MMEL1: variants seen among roughly 807,000 people sequenced by gnomAD.
MMEL1 encodes the protein membrane metallo-endopeptidase-like 1.
Under a neutral mutation model 117.1 loss-of-function variants are expected in MMEL1, and 98 were observed. The observed-to-expected ratio is 0.84, with a 90% confidence interval of 0.71 to 0.99. MMEL1 has a LOEUF of 0.99. Ranked by LOEUF, MMEL1 falls within the 50% of genes least tolerant of loss-of-function variation. The pLI, the probability that MMEL1 is intolerant of heterozygous loss-of-function variation, is 0.00. For synonymous variants in MMEL1, 390 were observed against 415.1 expected (o/e 0.94, Z 0.74); for missense variants, 1,014 against 1,049.1 (o/e 0.97, Z 0.46).
intron 10 of MMEL1, 28 bp downstream of exon 10, chr1:2,604,119 C>CGCAG: frequency 2.6e-6 from 4 of 1,510,110 alleles, no homozygotes; most frequent in Non-Finnish European, 2.7e-6. Context: ...ACTCGCTGCC[C>CGCAG]GCTCCCCACC....
chr1:2,608,520 CACACAT>C (rs1286820709), intron 6 of MMEL1, among the ~76,000 whole-genome samples: 4 of 136,828 alleles, frequency 2.9e-5, no homozygotes, highest in Non-Finnish European at 3.1e-5. Flanking sequence ...AACACATATA[CACACAT>C]ACACATACAC....
chr1:2,605,815 G>A (rs1184741068), intron 8 of MMEL1, among the ~76,000 whole-genome samples, 192 bp from the exon 9 acceptor site: 1 of 151,736 alleles, frequency 6.6e-6, no homozygotes, highest in Non-Finnish European at 1.5e-5. Context: ...GCGCTGGGCT[G>A]GACTGGAGAG....
intron 23 of MMEL1, chr1:2,591,296 T>C (rs771179787): frequency 3.3e-6 from 2 of 597,476 alleles, no homozygotes; most frequent in Middle Eastern, 4.3e-4. Context: ...GCCAGAGATA[T>C]TCCAACTCTG....
chr1:2,624,355 T>G (rs960788730), intron 2 of MMEL1, among the ~76,000 whole-genome samples: 1 of 152,184 alleles, frequency 6.6e-6, no homozygotes, highest in African/African-American at 2.4e-5. Context: ...TGAGGTGCAC[T>G]GTGGGTAACA....
Position 2,604,203 on chromosome 1 carries a change from AG to A in MMEL1, c.894del (p.Cys299AlafsTer48). Reference sequence around the variant, plus strand: ...TGCACCATGTCCTCCTGCACCAGGCAGCTGTCCCTGGGCAGGTTTGCATCCT... The same window carrying A: ...TGCACCATGTCCTCCTGCACCAGGCACTGTCCCTGGGCAGGTTTGCATCCT... ...LREDANLPRDSCLVQEDMVQV... is the reference protein window; with the variant it reads ...LREDANLPRDXCLVQEDMVQV... On this transcript the variant is annotated frameshift_variant, in exon 10 of 24. Transcript: ENST00000378412. LOFTEE classifies it high-confidence loss of function. 2 of 1,567,594 alleles carry A rather than the reference AG, an allele frequency of 1.3e-6. No individual in the cohort carries two copies. The highest frequency in any genetic ancestry group is 1.7e-6 in the Non-Finnish European group (2 of 1,152,388).
Position 2,592,689 on chromosome 1 carries a change from A to G in MMEL1, c.2033T>C (p.Ile678Thr), listed in dbSNP as rs149776280. Residue 678 changes from isoleucine (I) to threonine (T), a missense_variant, in exon 21 of 24, where the codon ATT (isoleucine) becomes ACT (threonine). Coordinates refer to ENST00000378412, the MANE Select transcript of MMEL1 (RefSeq NM_033467.4). Reference protein sequence around the residue: ...VNGFNTLGENIADNGGVRQAY... With the variant: ...VNGFNTLGENTADNGGVRQAY... ...TTGCCGCACCCCTCCGTTGTCAGCA[A>G]TGTTTTCCCCAAGGGTGTTGAATCC... 3.1e-3 allele frequency: 4,953 copies of G among 1,604,972 alleles called. 16 individuals carry two copies. The highest frequency in any genetic ancestry group is 3.4e-3 in the Non-Finnish European group (4,034 of 1,176,670).
At chr1:2,605,501 C>T in intron 9 of MMEL1, 57 bp downstream of exon 9, 1 of 1,509,342 alleles carries the variant, frequency 6.6e-7, no homozygotes, top group Non-Finnish European at 9.2e-7. Flanking sequence ...GAAGGCCAGA[C>T]CACGGGGTAG....
chr1:2,596,468 T>C, intron 14 of MMEL1, 93 bp downstream of exon 14: 1 of 1,523,746 alleles, frequency 6.6e-7, no homozygotes, highest in Non-Finnish European at 8.8e-7. Flanking sequence ...CAGGTGCCCC[T>C]GAGCCTGGGC....
intron 6 of MMEL1, among the ~76,000 whole-genome samples, chr1:2,608,797 TATAC>T (rs1253155195): frequency 1.3e-5 from 2 of 152,040 alleles, no homozygotes; most frequent in Non-Finnish European, 2.9e-5. Flanking sequence ...ACCGCATGCA[TATAC>T]ATATACACAT....
rs75265574 is a variant in MMEL1, at chr1:2,614,904, C to T, written c.155-2700G>A. ...GTCAAAAAGTAAGAAAGTGCTCCCC[C>T]CCAAAAAACTCACCCCAAATTCACG... On this transcript the variant is annotated intron_variant, in intron 2 of 23. Transcript: ENST00000378412. Among the ~76,000 whole-genome samples, 743 of 151,424 alleles carry T rather than the reference C, an allele frequency of 4.9e-3. 3 individuals carry two copies. The highest frequency in any genetic ancestry group is 8.9e-3 in the Non-Finnish European group (601 of 67,898).
At chr1:2,594,495 C>T in intron 17 of MMEL1, 52 bp from the exon 18 acceptor site, 2 of 1,542,542 alleles carry the variant, frequency 1.3e-6, no homozygotes, top group Non-Finnish European at 8.8e-7. Flanking sequence ...GACCCTCCCT[C>T]TGGGCTCTCT....
At chr1:2,608,610 C>T (rs948827499) in intron 6 of MMEL1, among the ~76,000 whole-genome samples, 2 of 151,968 alleles carry the variant, frequency 1.3e-5, no homozygotes. Flanking sequence ...CACATATACA[C>T]ATAACACACA....
At position 2,590,935 on chromosome 1, in the gene MMEL1, C is replaced by G; in HGVS notation, c.*55G>C. ...GGTCGCCGCTAGCTGCACCTTCGCACAGATGCCTCCGAGCAGCGGGTGGGC... is the reference window on the plus strand; with the variant it reads ...GGTCGCCGCTAGCTGCACCTTCGCAGAGATGCCTCCGAGCAGCGGGTGGGC... On this transcript the variant is annotated 3_prime_UTR_variant, in exon 24 of 24. Transcript: ENST00000378412. The G allele has an allele frequency of 7.4e-7, 1 of 1,360,118 alleles. No individual in the cohort carries two copies. Among genetic ancestry groups the G allele is most frequent in the Non-Finnish European group, 9.7e-7 (1 of 1,031,178 alleles). 84.3% of individuals were successfully genotyped at this position (1,360,118 alleles called of 1,614,324 possible). A position where few individuals can be genotyped will look rare whatever the true frequency, so the allele number is the denominator to read the frequency against.
At chr1:2,626,243 G>C (rs1638274554) in intron 2 of MMEL1, among the ~76,000 whole-genome samples, 1 of 152,162 alleles carries the variant, frequency 6.6e-6, no homozygotes, top group Admixed American at 6.5e-5. Context: ...AGAAATTTGG[G>C]GAAGAGGTAT....
intron 2 of MMEL1, among the ~76,000 whole-genome samples, chr1:2,628,238 G>T (rs77224278): frequency 1.3e-5 from 2 of 152,194 alleles, no homozygotes; most frequent in Non-Finnish European, 2.9e-5. Flanking sequence ...GAGGGCCAGG[G>T]GCTGCGGTCT....
chr1:2,620,615 G>A (rs1645275009), intron 2 of MMEL1, among the ~76,000 whole-genome samples: 1 of 152,098 alleles, frequency 6.6e-6, no homozygotes, highest in African/African-American at 2.4e-5. Context: ...AATGGGCAGG[G>A]CTGGTGGGGG....
intron 19 of MMEL1, 80 bp from the exon 20 acceptor site, chr1:2,593,046 C>T (rs1555790): frequency 0.19 from 288,097 of 1,545,976 alleles, 31,767 homozygotes; most frequent in East Asian, 0.46. Context: ...TGTGCCTGGC[C>T]GCTCCTGCCC....
chr1:2,612,042 C>T lies in MMEL1; in HGVS notation c.232+85G>A. ...ACATGAGGGTTGGGCAGAACCCAGCCCCTGCCCCTCCACGGAGTCCCCCCA... is the reference window on the plus strand; with the variant it reads ...ACATGAGGGTTGGGCAGAACCCAGCTCCTGCCCCTCCACGGAGTCCCCCCA... On this transcript the variant is annotated intron_variant, in intron 3 of 23. Coordinates refer to ENST00000378412, the MANE Select transcript of MMEL1 (RefSeq NM_033467.4). This position sits in a 1 kb window ranked among gnomAD's most constrained non-coding sequence, Gnocchi z 5.4. 8.4e-7 allele frequency: 1 copy of T among 1,192,094 alleles called. No homozygotes were observed. The highest frequency in any genetic ancestry group is 1.2e-6 in the Non-Finnish European group (1 of 821,728). 73.8% of individuals were successfully genotyped at this position (1,192,094 alleles called of 1,614,324 possible). A position where few individuals can be genotyped will look rare whatever the true frequency, so the allele number is the denominator to read the frequency against.
intron 1 of MMEL1, 103 bp downstream of exon 1, chr1:2,632,763 G>A: frequency 1.4e-6 from 1 of 726,104 alleles, no homozygotes; most frequent in Non-Finnish European, 1.7e-6. Flanking sequence ...TCCTGAGAAA[G>A]GGGCTGAGCG....
Sources: allele counts gnomAD v4.1 joint callset (sites outside exome capture counted in the v4.1 genomes callset), GRCh38; gene constraint gnomAD v4.1.1; non-coding constraint Gnocchi (gnomAD v3.1); transcripts MANE v1.5; gene names NCBI Gene and HGNC (gene_info 2026-07-23, HGNC 2026-07-21).